WDR19: variants seen among roughly 807,000 people sequenced by gnomAD.
WDR19 encodes WD repeat domain 19.
WDR19 carries 121 observed loss-of-function variants against 180.0 expected under a neutral mutation model. That is an observed-to-expected ratio of 0.67 (90% confidence interval 0.58 to 0.78). The LOEUF is 0.78. WDR19 is among the 30% of genes least tolerant of loss of function. The pLI is 0.00. For missense variants in WDR19, 1,450 were observed against 1,640.7 expected (o/e 0.88, Z 2.01); for synonymous variants, 497 against 540.7 (o/e 0.92, Z 1.12).
intron 9 of WDR19, chr4:39,205,957 GTA>G: frequency 2.2e-6 from 1 of 452,756 alleles, no homozygotes; most frequent in Admixed American, 3.7e-5. Context: ...GTAACATGGA[GTA>G]AGCACACTCC....
chr4:39,203,725 A>G lies in WDR19; in HGVS notation c.603+3A>G, dbSNP rs1727609864. 10 of 1,608,818 alleles carry G rather than the reference A, an allele frequency of 6.2e-6. No homozygotes were observed. Among genetic ancestry groups the G allele is most frequent in the Non-Finnish European group, 8.5e-6 (10 of 1,177,272 alleles). The stretch of plus-strand genomic sequence containing the variant: ...GAACCTCTGCTGCTGAAAGCATGGT[A>G]AGAATTCTAATCAAATCCACGTGCA... On this transcript the variant is annotated splice_donor_region_variant and intron_variant, in intron 7 of 36. Transcript: ENST00000399820.
chr4:39,245,414 C>A lies in WDR19; in HGVS notation c.2691C>A (p.Ile897=), dbSNP rs762413629. Reference sequence around the variant, plus strand: ...TGCCCCACGTTTCTTCTCCTAAGATCCATTTGCAGTATGCCAAAGCCAAGG... The same window carrying A: ...TGCCCCACGTTTCTTCTCCTAAGATACATTTGCAGTATGCCAAAGCCAAGG... The part of the protein sequence containing the change: ...DLLPHVSSPK[I]HLQYAKAKEA... The change falls in exon 24 of 37, where the codon ATC becomes ATA. Residue 897 remains isoleucine, a synonymous_variant. Transcript: ENST00000399820. The A allele has an allele frequency of 6.2e-6, 10 of 1,613,672 alleles. No homozygotes were observed. The highest frequency in any genetic ancestry group is 8.5e-6 in the Non-Finnish European group (10 of 1,179,824).
rs750485530 is a variant in WDR19, at chr4:39,245,353, G to A, written c.2646-16G>A. 1.9e-6 allele frequency: 3 copies of A among 1,609,822 alleles called. No individual in the cohort carries two copies. The highest frequency in any genetic ancestry group is 3.4e-5 in the Admixed American group (2 of 59,634). On this transcript the variant is annotated splice_polypyrimidine_tract_variant and intron_variant, in intron 23 of 36. Coordinates refer to ENST00000399820, the MANE Select transcript of WDR19 (RefSeq NM_025132.4). ...AACACAGTACTCATACTGTTCTCCT[G>A]GACCTACCTTTCCAGGGCAAAAGTT... is the stretch of plus-strand genomic sequence containing the variant.
chr4:39,240,198 A>G, intron 20 of WDR19, 79 bp from the exon 21 acceptor site: 1 of 615,874 alleles, frequency 1.6e-6, no homozygotes, highest in Non-Finnish European at 2.2e-6. Flanking sequence ...AAAAAAAAAA[A>G]AAAAGGAAAA....
chr4:39,263,506 G>A (rs1369754024), intron 28 of WDR19, among the ~76,000 whole-genome samples: 2 of 152,034 alleles, frequency 1.3e-5, no homozygotes, highest in East Asian at 3.9e-4. Flanking sequence ...TCCGCACCCT[G>A]CCGTGAGTTG....
At chr4:39,241,751 C>A (rs1455200467) in intron 21 of WDR19, among the ~76,000 whole-genome samples, 1 of 149,704 alleles carries the variant, frequency 6.7e-6, no homozygotes, top group African/African-American at 2.5e-5. Context: ...GCTGAGATCA[C>A]ACCGTTGCAC....
rs778311579 is a variant in WDR19 at position 39,254,047 on chromosome 4, C to G, written c.3001+17C>G. The G allele has an allele frequency of 8.7e-6, 14 of 1,602,492 alleles. No homozygotes were observed. The East Asian group carries it at 2.7e-4, about 31-fold the overall frequency. On this transcript the variant is annotated intron_variant, in intron 26 of 36. Coordinates refer to ENST00000399820, the MANE Select transcript of WDR19 (RefSeq NM_025132.4). ...ATATTATTGGTAAATATCATTTTTTCCCTGGTTCTCTTCAAGATGTTTATC... is the reference window on the plus strand; with the variant it reads ...ATATTATTGGTAAATATCATTTTTTGCCTGGTTCTCTTCAAGATGTTTATC...
chr4:39,213,503 A>T (rs371720714), intron 9 of WDR19, among the ~76,000 whole-genome samples: 6 of 152,232 alleles, frequency 3.9e-5, no homozygotes, highest in Admixed American at 3.9e-4. Flanking sequence ...TTTCATTTAT[A>T]TAATGTTCTT....
chr4:39,237,177 A>C (rs1160352086), intron 20 of WDR19, among the ~76,000 whole-genome samples: 1 of 152,210 alleles, frequency 6.6e-6, no homozygotes, highest in Non-Finnish European at 1.5e-5. Flanking sequence ...AAACATTTTT[A>C]CATAATTCTA....
rs188592593 is a variant in WDR19, at chr4:39,268,027, T to A, written c.3294T>A (p.Ala1098=). ...AGTACCTGTTCCGCTTGTACATGGC[T>A]CTGAAGCAATACCGAGAAGCTGCCC... ...DAKYLFRLYM[A]LKQYREAAQT... is the part of the protein sequence containing the mutation. Residue 1098 remains alanine, a synonymous_variant, in exon 30 of 37, where the codon GCT becomes GCA. Transcript: ENST00000399820. 8.1e-6 allele frequency: 13 copies of A among 1,605,936 alleles called. No homozygotes were observed. The highest frequency in any genetic ancestry group is 1.1e-5 in the Non-Finnish European group (13 of 1,176,126).
At chr4:39,183,250 C>CTTTTTTTTTTTT (rs113490249) in intron 1 of WDR19, among the ~76,000 whole-genome samples, 4,040 of 79,168 alleles carry the variant, frequency 0.051, 1,121 homozygotes, top group East Asian at 0.28. Flanking sequence ...AAATGGAAGG[C>CTTTTTTTTTTTT]TTTTTTTTTT....
chr4:39,279,065 A>G (rs1736200334), intron 36 of WDR19, among the ~76,000 whole-genome samples: 1 of 152,160 alleles, frequency 6.6e-6, no homozygotes, highest in African/African-American at 2.4e-5. Context: ...TCCAAGTCCC[A>G]TTTTTGTCAC....
intron 36 of WDR19, among the ~76,000 whole-genome samples, chr4:39,283,353 GT>G (rs1296227817): frequency 2.0e-5 from 3 of 150,636 alleles, no homozygotes; most frequent in African/African-American, 7.4e-5. Context: ...TTGTGTCTGT[GT>G]TCATGGGGGA....
rs780714075 is a variant in WDR19, at chr4:39,270,047, C to T, written c.3430C>T (p.Pro1144Ser). 5.6e-6 allele frequency: 9 copies of T among 1,613,590 alleles called. No individual in the cohort carries two copies. Among genetic ancestry groups the T allele is most frequent in the Non-Finnish European group, 5.9e-6 (7 of 1,179,792 alleles). ...ACTGAAATCCCAGAAGATCAAAATT[C>T]CCTCCGAGATGGCCACCAACCTCAT... ...AELKSQKIKI[P>S]SEMATNLMIL... is the part of the protein sequence containing the mutation. Residue 1144 changes from proline (P) to serine (S), a missense_variant, in exon 31 of 37, where the codon CCC becomes TCC. Coordinates refer to ENST00000399820, the MANE Select transcript of WDR19 (RefSeq NM_025132.4).
intron 5 of WDR19, among the ~76,000 whole-genome samples, chr4:39,197,738 CATT>C (rs2109275190): frequency 1.3e-5 from 2 of 152,276 alleles, no homozygotes; most frequent in African/African-American, 4.8e-5. Flanking sequence ...TGATGTTACT[CATT>C]AGCATAGTTA....
chr4:39,283,895 G>A lies in WDR19; in HGVS notation c.*14-1592G>A, dbSNP rs978538975. Among the ~76,000 whole-genome samples, 4 of 152,044 alleles carry A rather than the reference G, an allele frequency of 2.6e-5. No homozygotes were observed. In the East Asian group the frequency reaches 7.7e-4, roughly 29 times the overall value. On this transcript the variant is annotated intron_variant, in intron 36 of 36. Coordinates refer to ENST00000399820, the MANE Select transcript of WDR19 (RefSeq NM_025132.4). ...TTCATTTTTGAGGATATTTTCGCTT[G>A]ATATGGAATTCTGAGGTTTTCTTAA...
At chr4:39,278,945 G>A (rs926099760) in intron 36 of WDR19, among the ~76,000 whole-genome samples, 1 of 148,290 alleles carries the variant, frequency 6.7e-6, no homozygotes, top group Non-Finnish European at 1.5e-5. Context: ...TAAAACTAGA[G>A]CCAGCTAATA....
intron 31 of WDR19, 123 bp from the exon 32 acceptor site, chr4:39,272,857 A>T: frequency 1.3e-6 from 1 of 740,942 alleles, no homozygotes; most frequent in Non-Finnish European, 2.1e-6. Flanking sequence ...CAGCCAGGAA[A>T]GTCTACAAGG....
At chr4:39,280,391 G>A (rs751264602) in intron 36 of WDR19, among the ~76,000 whole-genome samples, 1 of 152,102 alleles carries the variant, frequency 6.6e-6, no homozygotes. Flanking sequence ...GGGCACAATG[G>A]TGCATGCTTA....
Sources: allele counts gnomAD v4.1 joint callset (sites outside exome capture counted in the v4.1 genomes callset), GRCh38; gene constraint gnomAD v4.1.1; transcripts MANE v1.5; gene names NCBI Gene and HGNC (gene_info 2026-07-23, HGNC 2026-07-21).